Variants in PDE7B observed in about 807,000 individuals in gnomAD.
PDE7B encodes the protein 3',5'-cyclic-AMP phosphodiesterase 7B.
PDE7B carries 29 observed loss-of-function variants against 56.2 expected under a neutral mutation model. The ratio of observed to expected loss-of-function variants is 0.52; its 90% CI spans 0.38 to 0.70. The LOEUF is 0.70. Among genes scored for constraint, PDE7B ranks in the 30% least tolerant of loss-of-function variants. PDE7B has a pLI of 0.00. For missense variants in PDE7B, 490 were observed against 565.0 expected (o/e 0.87, Z 1.35); for synonymous variants, 197 against 196.9 (o/e 1.00, Z 0.00).
At chr6:136,025,430 T>G (rs1271768610) in intron 2 of PDE7B, among the ~76,000 whole-genome samples, 4 of 152,188 alleles carry the variant, frequency 2.6e-5, no homozygotes, top group Non-Finnish European at 5.9e-5. Context: ...GTATCTACTA[T>G]TAGATACTTA....
At chr6:135,916,603 G>C (rs1433615652) in intron 1 of PDE7B, among the ~76,000 whole-genome samples, 1 of 151,616 alleles carries the variant, frequency 6.6e-6, no homozygotes, top group East Asian at 1.9e-4. Flanking sequence ...ATGTTGGCCA[G>C]GATGGTCTCG....
At chr6:136,073,204 C>G (rs1015323730) in intron 2 of PDE7B, among the ~76,000 whole-genome samples, 1 of 152,154 alleles carries the variant, frequency 6.6e-6, no homozygotes, top group Non-Finnish European at 1.5e-5. Flanking sequence ...CATTCAGGGA[C>G]AGTCCATAAA....
chr6:136,153,642 G>T lies in PDE7B; in HGVS notation c.479-433G>T, dbSNP rs560509777. Among the ~76,000 whole-genome samples the T allele has an allele frequency of 2.0e-5, 3 of 152,228 alleles. No homozygotes were observed. The South Asian group carries it at 6.2e-4, about 32-fold the overall frequency. ...TTATTCAAGTGTTAAACCAGTCTTTGGATATCAGTATTCTGATGCTACTTG... is the reference window on the plus strand; with the variant it reads ...TTATTCAAGTGTTAAACCAGTCTTTTGATATCAGTATTCTGATGCTACTTG... On this transcript the variant is annotated intron_variant, in intron 6 of 12. Coordinates refer to ENST00000308191, the MANE Select transcript of PDE7B (RefSeq NM_018945.4).
intron 2 of PDE7B, chr6:136,094,163 T>C (rs1777436238): frequency 6.6e-6 from 1 of 152,264 alleles, no homozygotes; most frequent in South Asian, 2.1e-4. Context: ...CCAGCTCCCT[T>C]CAACCTTTTT....
chr6:136,110,330 C>T (rs374454304), intron 3 of PDE7B, among the ~76,000 whole-genome samples: 4 of 152,258 alleles, frequency 2.6e-5, no homozygotes, highest in African/African-American at 9.6e-5. Context: ...ACGGAAGTTA[C>T]ACCTTTGACA....
At chr6:136,182,005 A>G (rs1474580002) in intron 11 of PDE7B, among the ~76,000 whole-genome samples, 2 of 152,180 alleles carry the variant, frequency 1.3e-5, no homozygotes, top group African/African-American at 2.4e-5. Context: ...GCTGGGTTTC[A>G]ATGTGCAGGA....
rs535655057 is a variant in PDE7B at position 135,953,583 on chromosome 6, TAA to T, written c.82+6060_82+6061del. 1.5e-3 allele frequency among the ~76,000 whole-genome samples: 224 copies of T among 152,256 alleles called. 1 individual carries two copies. The highest frequency in any genetic ancestry group is 4.2e-3 in the African/African-American group (174 of 41,554). Reference sequence around the variant, plus strand: ...TGAACTTTTAGAAGTACTATAAATATAAGTTATTATTTTTATTAATACTCAAT... The same window carrying T: ...TGAACTTTTAGAAGTACTATAAATATGTTATTATTTTTATTAATACTCAAT... On this transcript the variant is annotated intron_variant, in intron 2 of 12. Coordinates refer to ENST00000308191, the MANE Select transcript of PDE7B (RefSeq NM_018945.4).
chr6:135,955,579 C>A (rs1774777663), intron 2 of PDE7B, among the ~76,000 whole-genome samples: 1 of 152,054 alleles, frequency 6.6e-6, no homozygotes, highest in Non-Finnish European at 1.5e-5. Context: ...GGACAAATAA[C>A]CATTGAAAGA....
intron 1 of PDE7B, among the ~76,000 whole-genome samples, chr6:135,862,471 C>A (rs922347035): frequency 6.6e-6 from 1 of 151,762 alleles, no homozygotes; most frequent in African/African-American, 2.4e-5. Flanking sequence ...TGATGAAAAC[C>A]ATTAACCTAA....
chr6:135,943,658 C>T (rs1410615255), intron 1 of PDE7B, among the ~76,000 whole-genome samples: 1 of 152,202 alleles, frequency 6.6e-6, no homozygotes, highest in Non-Finnish European at 1.5e-5. Context: ...AGGCACAGCA[C>T]TTAGTACAAG....
intron 1 of PDE7B, among the ~76,000 whole-genome samples, chr6:135,876,181 G>A (rs991525303): frequency 6.6e-6 from 1 of 152,204 alleles, no homozygotes; most frequent in Admixed American, 6.5e-5. Context: ...ATGGCTGTGA[G>A]AAGAGTTTGG....
chr6:136,068,734 A>G (rs916591634), intron 2 of PDE7B, among the ~76,000 whole-genome samples: 2 of 152,112 alleles, frequency 1.3e-5, no homozygotes, highest in Non-Finnish European at 2.9e-5. Context: ...CCCGGCCTTC[A>G]AGATTCTTAT....
chr6:135,905,284 C>T (rs539096762), intron 1 of PDE7B, among the ~76,000 whole-genome samples: 1 of 151,606 alleles, frequency 6.6e-6, no homozygotes, highest in South Asian at 2.1e-4. Context: ...AAAATAGTCC[C>T]GTTTTTTAGA....
chr6:135,969,641 A>C (rs891952051), intron 2 of PDE7B, among the ~76,000 whole-genome samples: 2 of 152,192 alleles, frequency 1.3e-5, no homozygotes, highest in African/African-American at 4.8e-5. Flanking sequence ...TTAAGGACTT[A>C]AATGTAAATC....
chr6:136,060,355 T>C (rs1292795813), intron 2 of PDE7B, among the ~76,000 whole-genome samples: 1 of 152,172 alleles, frequency 6.6e-6, no homozygotes, highest in Non-Finnish European at 1.5e-5. Flanking sequence ...CCCTTTCTTC[T>C]TTTCTGCCCA....
At chr6:136,099,178 A>G (rs1310485597) in intron 2 of PDE7B, among the ~76,000 whole-genome samples, 1 of 151,790 alleles carries the variant, frequency 6.6e-6, no homozygotes, top group Non-Finnish European at 1.5e-5. Context: ...TCTGTTATTG[A>G]TGGACATTTG....
At chr6:136,025,441 T>C (rs1275742170) in intron 2 of PDE7B, among the ~76,000 whole-genome samples, 3 of 152,196 alleles carry the variant, frequency 2.0e-5, no homozygotes, top group Non-Finnish European at 4.4e-5. Flanking sequence ...TAGATACTTA[T>C]TCAAATAAGT....
chr6:135,874,025 AAAG>A (rs1275829556), intron 1 of PDE7B, among the ~76,000 whole-genome samples: 1 of 152,198 alleles, frequency 6.6e-6, no homozygotes, highest in Non-Finnish European at 1.5e-5. Context: ...GCTATAGAAA[AAAG>A]AAGAGCAGAG....
intron 8 of PDE7B, among the ~76,000 whole-genome samples, chr6:136,163,053 G>A (rs1224663060): frequency 5.3e-5 from 8 of 152,282 alleles, no homozygotes; most frequent in Non-Finnish European, 5.9e-5. Flanking sequence ...CTACCATTCT[G>A]GGGTCTGGAA....
Sources: allele counts gnomAD v4.1 joint callset (sites outside exome capture counted in the v4.1 genomes callset), GRCh38; gene constraint gnomAD v4.1.1; transcripts MANE v1.5; gene names NCBI Gene and HGNC (gene_info 2026-07-23, HGNC 2026-07-21).